The following TGFB2 variants were observed in gnomAD, a reference collection of about 807,000 sequenced individuals.
TGFB2 encodes the protein transforming growth factor beta 2.
Under a neutral mutation model 42.7 loss-of-function variants are expected in TGFB2, and 13 were observed. That is an observed-to-expected ratio of 0.30 (90% CI 0.20 to 0.48). The LOEUF is 0.48. TGFB2 is among the 20% of genes least tolerant of loss of function. The probability of loss-of-function intolerance (pLI) is 0.99; values close to 1 mark genes in which losing one functional copy is unlikely to be tolerated. For missense variants in TGFB2, 390 were observed against 517.5 expected (o/e 0.75, Z 2.39); for synonymous variants, 193 against 193.6 (o/e 1.00, Z 0.03).
intron 2 of TGFB2, among the ~76,000 whole-genome samples, chr1:218,429,223 C>T (rs983571089): frequency 2.6e-5 from 4 of 152,122 alleles, no homozygotes; most frequent in African/African-American, 9.7e-5. Flanking sequence ...TCAGGTAATC[C>T]ACCTGCCTTG....
chr1:218,431,095 T>A (rs1350443283), intron 2 of TGFB2, among the ~76,000 whole-genome samples: 1 of 152,210 alleles, frequency 6.6e-6, no homozygotes, highest in African/African-American at 2.4e-5. Context: ...CAGACAAAAG[T>A]CGCTACTGTG....
At chr1:218,432,939 T>TATC (rs1659853548) in intron 2 of TGFB2, among the ~76,000 whole-genome samples, 1 of 152,238 alleles carries the variant, frequency 6.6e-6, no homozygotes, top group African/African-American at 2.4e-5. Flanking sequence ...CTAAAACCAC[T>TATC]ATCATTTCAA....
At chr1:218,372,688 G>A (rs1168359605) in intron 1 of TGFB2, among the ~76,000 whole-genome samples, 3 of 152,180 alleles carry the variant, frequency 2.0e-5, no homozygotes, top group African/African-American at 7.2e-5. Context: ...AAGCACTTAG[G>A]TTCTTTGTTG....
At position 218,441,621 on chromosome 1, in the gene TGFB2, AT is replaced by A. The variant is rs1282624256; in HGVS notation, c.*267del. 7 of 297,946 alleles carry A rather than the reference AT, an allele frequency of 2.3e-5. No individual in the cohort carries two copies. The highest frequency in any genetic ancestry group is 1.9e-4 in the South Asian group (2 of 10,286). 18.5% of individuals were successfully genotyped at this position (297,946 alleles called of 1,614,324 possible). The stretch of plus-strand genomic sequence containing the variant: ...TGTAAGTGAGAGAGACAAGAAGCAA[AT>A]TTTTTTTAAAGAAAAAAATAAACAC... On this transcript the variant is annotated 3_prime_UTR_variant, in exon 7 of 7. Transcript: ENST00000366930.
chr1:218,386,849 T>G (rs2102573195), intron 1 of TGFB2, among the ~76,000 whole-genome samples: 1 of 152,346 alleles, frequency 6.6e-6, no homozygotes, highest in South Asian at 2.1e-4. Flanking sequence ...ACTATGTTCA[T>G]ATTTATTACC....
intron 2 of TGFB2, chr1:218,405,533 T>G (rs537980521): frequency 1.1e-6 from 1 of 925,504 alleles, no homozygotes; most frequent in East Asian, 2.7e-5. Flanking sequence ...CCCGATTATC[T>G]TTTTAAAAAA....
At position 218,437,396 on chromosome 1, in the gene TGFB2, A is replaced by T; in HGVS notation, c.986A>T (p.Asp329Val). The change falls in exon 6 of 7, where the codon GAT (aspartate) becomes GTT (valine). Residue 329 changes from aspartate (D) to valine (V), a missense_variant. Physicochemically the swap from Asp to Val is radical, Grantham distance 152. Coordinates refer to ENST00000366930, the MANE Select transcript of TGFB2 (RefSeq NM_003238.6). ...CCACTTTACATTGATTTCAAGAGGG[A>T]TCTAGGGTGGAAATGGATACACGAA... is the stretch of plus-strand genomic sequence containing the variant. The part of the protein sequence containing the change: ...LRPLYIDFKR[D>V]LGWKWIHEPK... 6.2e-7 allele frequency: 1 copy of T among 1,610,382 alleles called. No homozygotes were observed. Among genetic ancestry groups the T allele is most frequent in the Non-Finnish European group, 8.5e-7 (1 of 1,179,416 alleles).
At position 218,355,599 on chromosome 1, in the gene TGFB2, T is replaced by C. The variant is rs560959566; in HGVS notation, c.346+8552T>C. 1.3e-3 allele frequency among the ~76,000 whole-genome samples: 195 copies of C among 152,314 alleles called. 1 individual carries two copies. Among genetic ancestry groups the C allele is most frequent in the Middle Eastern group, 6.8e-3 (2 of 294 alleles). Reference sequence around the variant, plus strand: ...CCACTGTCGGCTTTGCAGCTGGATTTGAAACCCCTTCACTTAGCCCAGCCT... The same window carrying C: ...CCACTGTCGGCTTTGCAGCTGGATTCGAAACCCCTTCACTTAGCCCAGCCT... On this transcript the variant is annotated intron_variant, in intron 1 of 6. Transcript: ENST00000366930.
chr1:218,438,123 T>C (rs1219314636), intron 6 of TGFB2, among the ~76,000 whole-genome samples: 1 of 152,222 alleles, frequency 6.6e-6, no homozygotes, highest in East Asian at 1.9e-4. Flanking sequence ...TCAACTTCTC[T>C]TCACCCTTAC....
chr1:218,369,037 A>G (rs1233125595), intron 1 of TGFB2, among the ~76,000 whole-genome samples: 5 of 151,948 alleles, frequency 3.3e-5, no homozygotes, highest in African/African-American at 9.7e-5. Flanking sequence ...CGGGTGGATC[A>G]CAAGGTCAAG....
intron 1 of TGFB2, among the ~76,000 whole-genome samples, chr1:218,385,456 G>A (rs1016234097): frequency 6.6e-6 from 1 of 152,184 alleles, no homozygotes; most frequent in African/African-American, 2.4e-5. Flanking sequence ...AAAGTAACAC[G>A]ACTTCAGAGG....
At chr1:218,419,265 G>A (rs1250834071) in intron 2 of TGFB2, among the ~76,000 whole-genome samples, 4 of 151,898 alleles carry the variant, frequency 2.6e-5, no homozygotes, top group African/African-American at 9.7e-5. Flanking sequence ...TCCTTCCTGT[G>A]GCTTGTGGCC....
At chr1:218,410,747 C>T (rs1281940924) in intron 2 of TGFB2, among the ~76,000 whole-genome samples, 7 of 152,210 alleles carry the variant, frequency 4.6e-5, no homozygotes, top group Non-Finnish European at 1.0e-4. Context: ...TCTAGGAATG[C>T]ATTCAAACCC....
chr1:218,367,257 C>G (rs1558229950), intron 1 of TGFB2, among the ~76,000 whole-genome samples: 2 of 152,124 alleles, frequency 1.3e-5, no homozygotes, highest in Admixed American at 1.3e-4. Context: ...TCTTGGTGGC[C>G]TGAATCGTGT....
intron 1 of TGFB2, among the ~76,000 whole-genome samples, chr1:218,371,146 A>G (rs1286730914): frequency 6.6e-6 from 1 of 152,098 alleles, no homozygotes; most frequent in Non-Finnish European, 1.5e-5. Context: ...AAAAAATACA[A>G]AAAATAGCCG....
intron 1 of TGFB2, among the ~76,000 whole-genome samples, chr1:218,376,430 C>T (rs995119956): frequency 6.6e-6 from 1 of 152,170 alleles, no homozygotes; most frequent in Non-Finnish European, 1.5e-5. Context: ...ATTCACCAAG[C>T]ATATACTGCC....
At chr1:218,368,847 GATA>G (rs988655640) in intron 1 of TGFB2, among the ~76,000 whole-genome samples, 3 of 152,204 alleles carry the variant, frequency 2.0e-5, no homozygotes, top group Non-Finnish European at 2.9e-5. Flanking sequence ...AGATTAGAGA[GATA>G]ATGAGGGATA....
rs1297098566 is a variant in TGFB2 at position 218,352,072 on chromosome 1, G to A, written c.346+5025G>A. 2.0e-5 allele frequency among the ~76,000 whole-genome samples: 3 copies of A among 151,996 alleles called. No individual in the cohort carries two copies. The East Asian group carries it at 5.8e-4, about 29-fold the overall frequency. ...GGTGTGCAGGGTCACCACTGGAGTG[G>A]GACTCTGGCCCACTGCCACTCCAGC... On this transcript the variant is annotated intron_variant, in intron 1 of 6. Transcript: ENST00000366930.
At chr1:218,394,248 C>G (rs958237859) in intron 1 of TGFB2, among the ~76,000 whole-genome samples, 1 of 152,172 alleles carries the variant, frequency 6.6e-6, no homozygotes, top group Admixed American at 6.5e-5. Context: ...CCTGCCCTTT[C>G]AGCACCCAAT....
Sources: allele counts gnomAD v4.1 joint callset (sites outside exome capture counted in the v4.1 genomes callset), GRCh38; gene constraint gnomAD v4.1.1; transcripts MANE v1.5; gene names NCBI Gene and HGNC (gene_info 2026-07-23, HGNC 2026-07-21).